Variants in CACNB2 observed in about 807,000 individuals in gnomAD.
CACNB2 encodes calcium voltage-gated channel auxiliary subunit beta 2, also known as voltage-dependent L-type calcium channel subunit beta-2.
CACNB2 carries 42 observed loss-of-function variants against 73.3 expected under a neutral mutation model. That is an observed-to-expected ratio of 0.57 (90% CI 0.45 to 0.74). The LOEUF (loss-of-function observed/expected upper bound fraction) is 0.74. CACNB2 is among the 30% of genes least tolerant of loss of function. The probability of loss-of-function intolerance (pLI) is 0.00; values close to 1 mark genes in which losing one functional copy is unlikely to be tolerated. For synonymous variants in CACNB2, 348 were observed against 310.3 expected (o/e 1.12, Z -1.28); for missense variants, 940 against 853.0 (o/e 1.10, Z -1.27).
At chr10:18,255,338 C>T (rs540315018) in intron 2 of CACNB2, among the ~76,000 whole-genome samples, 1 of 152,318 alleles carries the variant, frequency 6.6e-6, no homozygotes, top group East Asian at 1.9e-4. Flanking sequence ...CTCCTTCCCA[C>T]CCTTGAGCCT....
chr10:18,175,779 G>T (rs531410760), intron 2 of CACNB2, among the ~76,000 whole-genome samples: 7 of 152,094 alleles, frequency 4.6e-5, no homozygotes, highest in Admixed American at 2.6e-4. Context: ...TGTATTTTTC[G>T]TAGAGATGGG....
At chr10:18,265,827 G>T (rs2131617591) in intron 2 of CACNB2, among the ~76,000 whole-genome samples, 1 of 152,300 alleles carries the variant, frequency 6.6e-6, no homozygotes, top group Non-Finnish European at 1.5e-5. Context: ...AGTAGTTATT[G>T]TGATAGGAGA....
At chr10:18,509,224 A>G (rs989556432) in intron 6 of CACNB2, among the ~76,000 whole-genome samples, 2 of 152,216 alleles carry the variant, frequency 1.3e-5, no homozygotes, top group Non-Finnish European at 1.5e-5. Context: ...TGCTCCAACT[A>G]TCAAGTGTGG....
At chr10:18,213,827 T>A (rs926524290) in intron 2 of CACNB2, among the ~76,000 whole-genome samples, 1 of 152,236 alleles carries the variant, frequency 6.6e-6, no homozygotes, top group African/African-American at 2.4e-5. Flanking sequence ...ATTAGCAGGA[T>A]GACCCTGTAG....
chr10:18,469,635 C>G (rs755878367), intron 3 of CACNB2, among the ~76,000 whole-genome samples: 2 of 152,182 alleles, frequency 1.3e-5, no homozygotes, highest in African/African-American at 2.4e-5. Context: ...TAGTTCGGTT[C>G]TAACCTCTTA....
intron 2 of CACNB2, among the ~76,000 whole-genome samples, chr10:18,361,852 A>G (rs985796166): frequency 2.6e-5 from 4 of 152,030 alleles, no homozygotes; most frequent in Admixed American, 2.0e-4. Flanking sequence ...ACCTCAAGCA[A>G]TCTGCCCGCC....
chr10:18,233,591 TG>T (rs1332692178), intron 2 of CACNB2, among the ~76,000 whole-genome samples: 1 of 152,198 alleles, frequency 6.6e-6, no homozygotes, highest in Non-Finnish European at 1.5e-5. Flanking sequence ...CTGCCAAAGC[TG>T]TGAATTGAAG....
chr10:18,350,556 C>G (rs1385652638), intron 2 of CACNB2, among the ~76,000 whole-genome samples: 2 of 152,170 alleles, frequency 1.3e-5, no homozygotes, highest in African/African-American at 4.8e-5. Context: ...AGGAGTAGCG[C>G]TTTAGGTTCC....
intron 2 of CACNB2, among the ~76,000 whole-genome samples, chr10:18,325,330 C>T (rs2040539929): frequency 6.6e-6 from 1 of 152,048 alleles, no homozygotes; most frequent in Non-Finnish European, 1.5e-5. Flanking sequence ...GCTGGGACTA[C>T]AGGCATGCAC....
At chr10:18,277,968 T>C (rs1303087923) in intron 2 of CACNB2, among the ~76,000 whole-genome samples, 1 of 152,214 alleles carries the variant, frequency 6.6e-6, no homozygotes, top group African/African-American at 2.4e-5. Flanking sequence ...ATTAGACGTA[T>C]ATTTTGGCTC....
intron 2 of CACNB2, among the ~76,000 whole-genome samples, chr10:18,290,117 T>C (rs1419228170): frequency 2.6e-5 from 3 of 115,088 alleles, no homozygotes; most frequent in African/African-American, 1.3e-4. Context: ...TTTTTCTTTT[T>C]TTTTTTTTTT....
intron 2 of CACNB2, among the ~76,000 whole-genome samples, chr10:18,393,198 C>CAAA (rs11409619): frequency 1.0e-4 from 15 of 146,972 alleles, no homozygotes; most frequent in Non-Finnish European, 1.3e-4. Context: ...GACTCCATGT[C>CAAA]AAAAAAAAAA....
intron 2 of CACNB2, among the ~76,000 whole-genome samples, chr10:18,244,608 C>T (rs1260854658): frequency 1.3e-5 from 2 of 152,146 alleles, no homozygotes; most frequent in African/African-American, 2.4e-5. Flanking sequence ...ATTCTTTTGT[C>T]AACCTTATGT....
chr10:18,366,672 C>T (rs567172173), intron 2 of CACNB2, among the ~76,000 whole-genome samples: 1 of 151,796 alleles, frequency 6.6e-6, no homozygotes, highest in African/African-American at 2.4e-5. Context: ...GGTGAAACCC[C>T]GTCTCTAAAA....
intron 2 of CACNB2, among the ~76,000 whole-genome samples, chr10:18,343,783 G>C (rs2041330823): frequency 6.6e-6 from 1 of 152,160 alleles, no homozygotes. Context: ...TCTAATTGGA[G>C]ACCTGTGGGT....
chr10:18,237,236 C>G, intron 2 of CACNB2, among the ~76,000 whole-genome samples: 1 of 152,114 alleles, frequency 6.6e-6, no homozygotes, highest in Non-Finnish European at 1.5e-5. Flanking sequence ...ATCCCCAGTA[C>G]TTATGAATGT....
At chr10:18,427,666 C>G (rs1020942826) in intron 3 of CACNB2, among the ~76,000 whole-genome samples, 11 of 152,038 alleles carry the variant, frequency 7.2e-5, no homozygotes, top group East Asian at 5.8e-4. Context: ...TTAACAGAAC[C>G]CTTTAGGGTT....
intron 3 of CACNB2, among the ~76,000 whole-genome samples, chr10:18,429,081 A>T (rs536119951): frequency 4.1e-4 from 62 of 152,334 alleles, no homozygotes; most frequent in African/African-American, 1.4e-3. Context: ...CTTGTCATTG[A>T]CAAGTTTCTT....
rs201779228 is a variant in CACNB2, at chr10:18,289,939, C to CTTTTA, written c.214-111984_214-111980dup. The stretch of plus-strand genomic sequence containing the variant: ...TTTAAAAATATATAGATGAGCAATT[C>CTTTTA]TTTTAGAGTAGGTTGAAAGAGACTG... On this transcript the variant is annotated intron_variant, in intron 2 of 13. Transcript: ENST00000324631. Among the ~76,000 whole-genome samples, 1,118 of 151,834 alleles carry CTTTTA rather than the reference C, an allele frequency of 7.4e-3. 11 individuals are homozygous for CTTTTA. The highest frequency in any genetic ancestry group is 0.051 in the Middle Eastern group (15 of 294).
Sources: allele counts gnomAD v4.1 joint callset (sites outside exome capture counted in the v4.1 genomes callset), GRCh38; gene constraint gnomAD v4.1.1; transcripts MANE v1.5; gene names NCBI Gene and HGNC (gene_info 2026-07-23, HGNC 2026-07-21).